The following APP variants were observed in gnomAD, a reference collection of about 807,000 sequenced individuals.
APP encodes amyloid beta precursor protein.
Under a neutral mutation model 101.4 loss-of-function variants are expected in APP, and 31 were observed. The observed-to-expected ratio is 0.31, with a 90% CI of 0.23 to 0.41. The LOEUF (loss-of-function observed/expected upper bound fraction) is 0.41. Ranked by LOEUF, APP falls within the 10% of genes least tolerant of loss-of-function variation. The pLI is 1.00. For missense variants in APP, 839 were observed against 1,003.7 expected (o/e 0.84, Z 2.22); for synonymous variants, 366 against 364.4 (o/e 1.00, Z -0.05).
intron 5 of APP, among the ~76,000 whole-genome samples, chr21:26,034,031 A>G (rs2044971743): frequency 6.6e-6 from 1 of 152,214 alleles, no homozygotes; most frequent in South Asian, 2.1e-4. Context: ...CCACTAATAC[A>G]CAGGCACTGC....
chr21:25,888,568 G>GGT (rs1161618637), intron 17 of APP, among the ~76,000 whole-genome samples: 5 of 152,158 alleles, frequency 3.3e-5, no homozygotes, highest in Admixed American at 2.0e-4. Context: ...ACACGAATGA[G>GGT]GTGGAGCCCC....
At chr21:26,082,972 T>C (rs577993572) in intron 3 of APP, among the ~76,000 whole-genome samples, 1 of 152,388 alleles carries the variant, frequency 6.6e-6, no homozygotes, top group South Asian at 2.1e-4. Flanking sequence ...TAAATAGATT[T>C]AAATAGTAAT....
chr21:25,952,986 C>T (rs1366791041), intron 13 of APP, among the ~76,000 whole-genome samples: 1 of 152,212 alleles, frequency 6.6e-6, no homozygotes, highest in African/African-American at 2.4e-5. Flanking sequence ...TCTCTGTTCT[C>T]AATTCATGGT....
intron 15 of APP, among the ~76,000 whole-genome samples, chr21:25,903,876 T>TA (rs1290379581): frequency 6.6e-6 from 1 of 152,184 alleles, no homozygotes; most frequent in Admixed American, 6.5e-5. Flanking sequence ...CTGCCACTGT[T>TA]AATCACAGCA....
intron 8 of APP, among the ~76,000 whole-genome samples, chr21:25,996,260 G>A (rs775113698): frequency 2.6e-5 from 4 of 152,178 alleles, no homozygotes; most frequent in Non-Finnish European, 4.4e-5. Flanking sequence ...CAAAAGGTGA[G>A]CACCTCTAAC....
chr21:26,078,580 G>C (rs1331776432), intron 3 of APP, among the ~76,000 whole-genome samples: 9 of 152,162 alleles, frequency 5.9e-5, no homozygotes, highest in African/African-American at 1.9e-4. Flanking sequence ...ATAGCTGTCT[G>C]TACCACTCTA....
intron 15 of APP, 88 bp from the exon 16 acceptor site, chr21:25,897,761 CTTCT>C (rs2038175911): frequency 8.8e-7 from 1 of 1,131,252 alleles, no homozygotes; most frequent in Non-Finnish European, 1.3e-6. Context: ...CTACCCAAAA[CTTCT>C]TTCTAGGCCT....
At chr21:25,946,409 TA>T (rs1382659970) in intron 13 of APP, among the ~76,000 whole-genome samples, 1 of 152,188 alleles carries the variant, frequency 6.6e-6, no homozygotes, top group Non-Finnish European at 1.5e-5. Flanking sequence ...CTCACGCCTG[TA>T]ATCCTAGCAC....
chr21:26,000,406 G>A (rs1022958492), intron 6 of APP, among the ~76,000 whole-genome samples: 9 of 152,136 alleles, frequency 5.9e-5, no homozygotes, highest in Non-Finnish European at 1.0e-4. Flanking sequence ...TGCAGGACTC[G>A]GTAGCAATAA....
At chr21:26,094,155 G>A (rs1490874869) in intron 2 of APP, among the ~76,000 whole-genome samples, 3 of 151,582 alleles carry the variant, frequency 2.0e-5, no homozygotes, top group Admixed American at 2.0e-4. Context: ...TAAAGCCCAT[G>A]CATAGTTTTT....
In APP at chr21:26,012,803, T is replaced by G. The variant is rs534486072; in HGVS notation, c.865+9037A>C. Among the ~76,000 whole-genome samples the G allele has an allele frequency of 5.4e-5, 8 of 148,996 alleles. No homozygotes were observed. The East Asian group carries it at 1.4e-3, about 27-fold the overall frequency. ...AGTCTGGCCAACGTGGTGAAACCCATCTCTACCAAAAATACAAAAATTAGC... is the reference window on the plus strand; with the variant it reads ...AGTCTGGCCAACGTGGTGAAACCCAGCTCTACCAAAAATACAAAAATTAGC... On this transcript the variant is annotated intron_variant, in intron 6 of 17. Transcript: ENST00000346798.
intron 1 of APP, among the ~76,000 whole-genome samples, chr21:26,150,626 T>TAGATAGATAGATAGACAGACAGAC (rs370206066): frequency 6.9e-4 from 103 of 149,918 alleles, no homozygotes; most frequent in Admixed American, 3.6e-3. Context: ...GACAGATAGA[T>TAGATAGATAGATAGACAGACAGAC]AGACAGACAG....
chr21:25,981,550 C>T (rs886433390), intron 9 of APP, among the ~76,000 whole-genome samples: 2 of 152,164 alleles, frequency 1.3e-5, no homozygotes, highest in African/African-American at 4.8e-5. Flanking sequence ...CTAAAATCCT[C>T]CATATTATCA....
intron 6 of APP, among the ~76,000 whole-genome samples, chr21:26,011,344 G>C (rs1271386911): frequency 6.6e-6 from 1 of 152,014 alleles, no homozygotes; most frequent in African/African-American, 2.4e-5. Context: ...CCAAAGTGCT[G>C]GGGTTACAAG....
intron 3 of APP, among the ~76,000 whole-genome samples, chr21:26,054,623 T>G (rs1441620376): frequency 9.6e-6 from 1 of 103,936 alleles, no homozygotes; most frequent in Non-Finnish European, 1.9e-5. Context: ...GCCAAAAGTT[T>G]TTTTTTTTTT....
intron 6 of APP, among the ~76,000 whole-genome samples, chr21:26,000,769 T>C (rs2043257592): frequency 6.6e-6 from 1 of 152,106 alleles, no homozygotes; most frequent in Non-Finnish European, 1.5e-5. Context: ...CTTAAGACCA[T>C]TCATTTGTAT....
chr21:26,125,237 C>T (rs1172958994), intron 1 of APP, among the ~76,000 whole-genome samples: 2 of 152,122 alleles, frequency 1.3e-5, no homozygotes, highest in Non-Finnish European at 2.9e-5. Context: ...CAGCATCCCA[C>T]CAGTGTATGA....
intron 13 of APP, among the ~76,000 whole-genome samples, chr21:25,914,820 T>C (rs887784524): frequency 1.3e-5 from 2 of 152,214 alleles, no homozygotes; most frequent in African/African-American, 4.8e-5. Context: ...CCCAAAGTGC[T>C]GGGATTACAG....
chr21:26,078,072 T>C (rs1460039514), intron 3 of APP, among the ~76,000 whole-genome samples: 2 of 152,226 alleles, frequency 1.3e-5, no homozygotes, highest in Non-Finnish European at 2.9e-5. Flanking sequence ...ATGATGCTTA[T>C]TTGTGTACCT....
Sources: gnomAD v4.1 joint callset for allele counts (sites outside exome capture counted in the v4.1 genomes callset) on GRCh38, gnomAD v4.1.1 for gene constraint, MANE v1.5 for transcripts, NCBI Gene and HGNC (gene_info 2026-07-23, HGNC 2026-07-21) for gene names.